ADGRV1: variants seen among roughly 807,000 people sequenced by gnomAD.
ADGRV1 encodes the protein G-protein coupled receptor 98.
ADGRV1 carries 359 observed loss-of-function variants against 596.2 expected under a neutral mutation model. That is an observed-to-expected ratio of 0.60 (90% CI 0.55 to 0.66). ADGRV1 has a LOEUF of 0.66. ADGRV1 is among the 30% of genes least tolerant of loss of function. The probability of loss-of-function intolerance (pLI) is 0.00; values close to 1 mark genes in which losing one functional copy is unlikely to be tolerated. For synonymous variants in ADGRV1, 2,681 were observed against 2,679.2 expected (o/e 1.00, Z -0.02); for missense variants, 7,274 against 7,575.6 (o/e 0.96, Z 1.48).
intron 83 of ADGRV1, among the ~76,000 whole-genome samples, chr5:90,909,472 C>T (rs1402610929): frequency 2.6e-5 from 4 of 151,998 alleles, no homozygotes; most frequent in Non-Finnish European, 5.9e-5. Context: ...GCTTACTGTC[C>T]AGCTGACCCA....
intron 85 of ADGRV1, among the ~76,000 whole-genome samples, chr5:91,035,869 A>ATATATATAATATATATAATATATATAT (rs1784863341): frequency 1.7e-5 from 2 of 120,534 alleles, no homozygotes; most frequent in African/African-American, 5.9e-5. Context: ...TATTATATAT[A>ATATATATAATATATATAATATATATAT]TATATATATA....
At chr5:90,819,308 TTTTC>T (rs1332294629) in intron 75 of ADGRV1, among the ~76,000 whole-genome samples, 1 of 151,620 alleles carries the variant, frequency 6.6e-6, no homozygotes, top group African/African-American at 2.4e-5. Flanking sequence ...TTCTCTCTTT[TTTTC>T]TTTATTAGTC....
chr5:91,013,335 T>TG lies in ADGRV1; in HGVS notation c.18152+27813_18152+27814insG, dbSNP rs1277896135. On this transcript the variant is annotated intron_variant, in intron 85 of 89. Coordinates refer to ENST00000405460, the MANE Select transcript of ADGRV1 (RefSeq NM_032119.4). ...CTAATTTACATTAGCACCAACAGTG[T>TG]ATAATTGTCCCCTTTTCTTGGCAAC... Among the ~76,000 whole-genome samples the TG allele has an allele frequency of 3.9e-5, 6 of 152,238 alleles. No homozygotes were observed. In the East Asian group the frequency reaches 7.7e-4, roughly 20 times the overall value.
chr5:91,022,210 A>G (rs1783695583), intron 85 of ADGRV1, among the ~76,000 whole-genome samples: 1 of 152,064 alleles, frequency 6.6e-6, no homozygotes, highest in Non-Finnish European at 1.5e-5. Context: ...GCCGGATTCG[A>G]TTGTAGCAGA....
At chr5:90,581,162 T>C (rs1757989506) in intron 1 of ADGRV1, among the ~76,000 whole-genome samples, 1 of 152,218 alleles carries the variant, frequency 6.6e-6, no homozygotes, top group African/African-American at 2.4e-5. Context: ...TCTAACCTTT[T>C]TTCAAGTTTT....
Position 90,683,920 on chromosome 5 carries a change from C to G in ADGRV1, c.5999C>G (p.Ser2000Ter). ...GAAGCAACCCAGAACATCACACTAT[C>G]AATAATAAGGTTGAAAGGCCTCATG... is the stretch of plus-strand genomic sequence containing the variant. ...VEEATQNITL[S>*]IIRLKGLMGK... is the part of the protein sequence containing the mutation. Residue 2000 changes from serine to a stop codon, truncating the protein, a stop_gained, in exon 28 of 90, where the codon TCA becomes TGA. Coordinates refer to ENST00000405460, the MANE Select transcript of ADGRV1 (RefSeq NM_032119.4). LOFTEE classifies it high-confidence loss of function. 6.2e-7 allele frequency: 1 copy of G among 1,613,644 alleles called. No homozygotes were observed. Among genetic ancestry groups the G allele is most frequent in the Non-Finnish European group, 8.5e-7 (1 of 1,179,752 alleles).
chr5:90,921,091 CATGCCCAAATGAAA>C (rs1328559087), intron 83 of ADGRV1, among the ~76,000 whole-genome samples: 2 of 152,164 alleles, frequency 1.3e-5, no homozygotes, highest in African/African-American at 4.8e-5. Flanking sequence ...TATGTTCCTT[CATGCCCAAATGAAA>C]GTGTAACCAT....
At chr5:90,564,771 C>T (rs1184360191) in intron 1 of ADGRV1, among the ~76,000 whole-genome samples, 1 of 90,086 alleles carries the variant, frequency 1.1e-5, no homozygotes, top group East Asian at 3.3e-4. Context: ...GGACTACAGG[C>T]GCCCGCCACT....
At chr5:91,069,564 A>G (rs1788190424) in intron 85 of ADGRV1, among the ~76,000 whole-genome samples, 1 of 152,186 alleles carries the variant, frequency 6.6e-6, no homozygotes, top group Non-Finnish European at 1.5e-5. Flanking sequence ...ATGAAACACC[A>G]TTTCACACCT....
chr5:90,565,516 A>T (rs1755529995), intron 1 of ADGRV1, among the ~76,000 whole-genome samples: 1 of 152,236 alleles, frequency 6.6e-6, no homozygotes, highest in Admixed American at 6.5e-5. Context: ...GCAATACTTC[A>T]ATCCTTTTGT....
intron 84 of ADGRV1, among the ~76,000 whole-genome samples, chr5:90,976,563 G>A (rs950943517): frequency 3.9e-5 from 6 of 151,958 alleles, no homozygotes; most frequent in Middle Eastern, 3.4e-3. Context: ...CATATCCATA[G>A]AATAAATTCC....
intron 83 of ADGRV1, among the ~76,000 whole-genome samples, chr5:90,877,608 T>A (rs986301248): frequency 9.9e-5 from 15 of 151,648 alleles, no homozygotes; most frequent in Admixed American, 6.6e-4. Flanking sequence ...TCATTTAATG[T>A]CTCTTACAAA....
chr5:91,031,037 C>A, intron 85 of ADGRV1: 1 of 1,501,832 alleles, frequency 6.7e-7, no homozygotes, highest in Non-Finnish European at 8.9e-7. Flanking sequence ...TTGACAAATG[C>A]CTGGTGGCGA....
intron 83 of ADGRV1, among the ~76,000 whole-genome samples, chr5:90,883,555 G>A (rs1164617680): frequency 6.6e-6 from 1 of 152,038 alleles, no homozygotes; most frequent in African/African-American, 2.4e-5. Context: ...AATATAACTT[G>A]GAGTGATACT....
chr5:90,771,637 A>C (rs1013119953), intron 59 of ADGRV1, among the ~76,000 whole-genome samples: 6 of 152,212 alleles, frequency 3.9e-5, no homozygotes, highest in Non-Finnish European at 8.8e-5. Context: ...AGAATAAAAA[A>C]TTAAAGGTTT....
At chr5:90,991,158 T>C (rs1325977126) in intron 85 of ADGRV1, among the ~76,000 whole-genome samples, 1 of 152,202 alleles carries the variant, frequency 6.6e-6, no homozygotes, top group Non-Finnish European at 1.5e-5. Flanking sequence ...ATCTCAATAT[T>C]CTAACTTCTA....
At chr5:90,570,512 C>T (rs1207911600) in intron 1 of ADGRV1, among the ~76,000 whole-genome samples, 1 of 151,150 alleles carries the variant, frequency 6.6e-6, no homozygotes, top group Non-Finnish European at 1.5e-5. Context: ...AGCCATATTT[C>T]TTTAACTACT....
intron 86 of ADGRV1, among the ~76,000 whole-genome samples, chr5:91,074,059 T>C (rs1371217735): frequency 6.6e-6 from 1 of 152,246 alleles, no homozygotes; most frequent in Non-Finnish European, 1.5e-5. Flanking sequence ...ATATTCAATG[T>C]ATAAATTCTA....
rs1285648672 is a variant in ADGRV1 at position 90,674,301 on chromosome 5, C to CT, written c.5110+69dup. 8 of 1,282,764 alleles carry CT rather than the reference C, an allele frequency of 6.2e-6. No homozygotes were observed. In the East Asian group the frequency reaches 2.0e-4, roughly 33 times the overall value. The allele number at this position is 1,282,764 out of a possible 1,614,324, so 79.5% of individuals were successfully genotyped here. A position where few individuals can be genotyped will look rare whatever the true frequency, so the allele number is the denominator to read the frequency against. ...GTGTACTTAGTTTTGTTAAGAACTT[C>CT]TTAAGGCACTTTTTGCAAATGACGG... On this transcript the variant is annotated intron_variant, in intron 23 of 89. Coordinates refer to ENST00000405460, the MANE Select transcript of ADGRV1 (RefSeq NM_032119.4).
Sources: gnomAD v4.1 joint callset for allele counts (sites outside exome capture counted in the v4.1 genomes callset) on GRCh38, gnomAD v4.1.1 for gene constraint, MANE v1.5 for transcripts, NCBI Gene and HGNC (gene_info 2026-07-23, HGNC 2026-07-21) for gene names.